ZNF148: variants seen among roughly 807,000 people sequenced by gnomAD.
ZNF148 encodes the protein zinc finger protein 148.
Under a neutral mutation model 67.7 loss-of-function variants are expected in ZNF148, and 7 were observed. That is an observed-to-expected ratio of 0.10 (90% CI 0.06 to 0.19). The LOEUF is 0.19. Among genes scored for constraint, ZNF148 ranks in the 10% least tolerant of loss-of-function variants. ZNF148 has a pLI of 1.00. For synonymous variants in ZNF148, 333 were observed against 330.7 expected (o/e 1.01, Z -0.08); for missense variants, 583 against 947.1 (o/e 0.62, Z 5.05).
intron 3 of ZNF148, among the ~76,000 whole-genome samples, chr3:125,322,260 T>G (rs1940814739): frequency 1.3e-5 from 2 of 151,922 alleles, no homozygotes; most frequent in South Asian, 4.2e-4. Flanking sequence ...TGTCCTGACT[T>G]CGTGATCCAC....
chr3:125,269,775 C>T (rs1937635680), intron 7 of ZNF148, among the ~76,000 whole-genome samples: 1 of 152,134 alleles, frequency 6.6e-6, no homozygotes, highest in Non-Finnish European at 1.5e-5. Context: ...TACACAGCCA[C>T]AAAAAGAGCA....
chr3:125,250,126 A>G (rs1040198255), intron 7 of ZNF148, among the ~76,000 whole-genome samples: 2 of 152,192 alleles, frequency 1.3e-5, no homozygotes, highest in Non-Finnish European at 2.9e-5. Context: ...ATTTGTAAAC[A>G]TGGAATTGTT....
At position 125,303,956 on chromosome 3, in the gene ZNF148, T is replaced by C. The variant is rs1939735969; in HGVS notation, c.333+9352A>G. On this transcript the variant is annotated intron_variant, in intron 4 of 8. Transcript: ENST00000360647. Reference sequence around the variant, plus strand: ...TATAAAATGTAACAACTGGGAGAAATTGGATGAGGGATGGAGGGGGTCTTC... The same window carrying C: ...TATAAAATGTAACAACTGGGAGAAACTGGATGAGGGATGGAGGGGGTCTTC... 2.6e-5 allele frequency among the ~76,000 whole-genome samples: 4 copies of C among 152,108 alleles called. No homozygotes were observed. In the South Asian group the frequency reaches 6.2e-4, roughly 24 times the overall value.
At chr3:125,285,610 T>A (rs1353937362) in intron 5 of ZNF148, among the ~76,000 whole-genome samples, 4 of 151,806 alleles carry the variant, frequency 2.6e-5, no homozygotes, top group African/African-American at 9.7e-5. Context: ...CCCAGGATGG[T>A]CTTGAACTCC....
At chr3:125,284,559 C>T (rs1165151586) in intron 5 of ZNF148, among the ~76,000 whole-genome samples, 5 of 151,952 alleles carry the variant, frequency 3.3e-5, no homozygotes. Context: ...TAGAGGGCTT[C>T]AACTGCAATA....
chr3:125,258,104 TG>T (rs1004678618), intron 7 of ZNF148, among the ~76,000 whole-genome samples: 2 of 117,534 alleles, frequency 1.7e-5, no homozygotes, highest in African/African-American at 5.6e-5. Flanking sequence ...ATATATACTG[TG>T]GTAACTGCAT....
At chr3:125,280,775 AG>A (rs34093385) in intron 5 of ZNF148, among the ~76,000 whole-genome samples, 2 of 149,154 alleles carry the variant, frequency 1.3e-5, no homozygotes, top group Non-Finnish European at 3.0e-5. Context: ...AAAAAAAAAA[AG>A]GCACAACATT....
chr3:125,232,695 T>C lies in ZNF148; in HGVS notation c.2031A>G (p.Gly677=). 1 of 1,613,796 alleles carries C rather than the reference T, an allele frequency of 6.2e-7. No individual in the cohort carries two copies. Reference sequence around the variant, plus strand: ...AGTGCTGTGAATCACCAACTATTAGTCCAAAGTGGGACTTATCTGGAGTTG... The same window carrying C: ...AGTGCTGTGAATCACCAACTATTAGCCCAAAGTGGGACTTATCTGGAGTTG... ...LRTTPDKSHF[G]LIVGDSQHSF... Residue 677 remains glycine (G), a synonymous_variant, in exon 9 of 9, where the codon GGA becomes GGG. Transcript: ENST00000360647. The surrounding 1 kb of genome is among the most constrained non-coding windows in gnomAD (Gnocchi z 4.2).
chr3:125,285,290 T>C (rs749165921), intron 5 of ZNF148, among the ~76,000 whole-genome samples: 6 of 152,186 alleles, frequency 3.9e-5, no homozygotes, highest in Non-Finnish European at 8.8e-5. Flanking sequence ...TTTACAAACA[T>C]GGGTAAGTTT....
chr3:125,315,699 C>T, intron 3 of ZNF148, among the ~76,000 whole-genome samples: 1 of 121,404 alleles, frequency 8.2e-6, no homozygotes, highest in South Asian at 2.8e-4. Context: ...CAGAGCAGGA[C>T]TCCATCTCAA....
At chr3:125,281,877 T>C (rs1481692669) in intron 5 of ZNF148, among the ~76,000 whole-genome samples, 2 of 152,202 alleles carry the variant, frequency 1.3e-5, no homozygotes, top group African/African-American at 4.8e-5. Flanking sequence ...TAAACTCATC[T>C]TGACTCAGAT....
At chr3:125,262,155 G>A (rs1366194253) in intron 7 of ZNF148, among the ~76,000 whole-genome samples, 1 of 152,118 alleles carries the variant, frequency 6.6e-6, no homozygotes, top group Non-Finnish European at 1.5e-5. Context: ...TTGTCACAAA[G>A]ACAGATACTG....
At chr3:125,268,432 A>G (rs929707525) in intron 7 of ZNF148, among the ~76,000 whole-genome samples, 2 of 152,164 alleles carry the variant, frequency 1.3e-5, no homozygotes, top group African/African-American at 2.4e-5. Flanking sequence ...TTGATATTCA[A>G]GAAAGTTGGC....
chr3:125,321,501 CAAAT>C (rs1462845378), intron 3 of ZNF148, among the ~76,000 whole-genome samples: 1 of 152,070 alleles, frequency 6.6e-6, no homozygotes, highest in Non-Finnish European at 1.5e-5. Context: ...AAGCCCCTCT[CAAAT>C]AAAACAGAAT....
intron 7 of ZNF148, among the ~76,000 whole-genome samples, chr3:125,258,007 C>T (rs1201456284): frequency 1.3e-5 from 2 of 152,162 alleles, no homozygotes; most frequent in African/African-American, 4.8e-5. Context: ...TCTCTAATAG[C>T]ATCAGGTCCC....
intron 4 of ZNF148, among the ~76,000 whole-genome samples, chr3:125,294,637 A>G (rs765394448): frequency 5.3e-5 from 8 of 152,190 alleles, no homozygotes; most frequent in Admixed American, 3.3e-4. Context: ...CACTGTCCTA[A>G]GTGCTGAAGA....
chr3:125,227,186 T>C lies in ZNF148; in HGVS notation c.*5155A>G, dbSNP rs961437129. ...TACCCACTCAAGCATAGCAACCCAA[T>C]TCATTTAGTTCTATACAACAGTGTC... is the stretch of plus-strand genomic sequence containing the variant. On this transcript the variant is annotated 3_prime_UTR_variant, in exon 9 of 9. Transcript: ENST00000360647. 6 of 152,580 alleles carry C rather than the reference T, an allele frequency of 3.9e-5. No individual in the cohort carries two copies. Among genetic ancestry groups the C allele is most frequent in the African/African-American group, 1.4e-4 (6 of 41,560 alleles). 9.5% of individuals were successfully genotyped at this position (152,580 alleles called of 1,614,324 possible).
chr3:125,272,316 C>T (rs1319477405), intron 7 of ZNF148, among the ~76,000 whole-genome samples: 1 of 152,172 alleles, frequency 6.6e-6, no homozygotes, highest in East Asian at 1.9e-4. Context: ...AAGAATGAGA[C>T]CACTTCAACC....
chr3:125,317,662 T>TATATAG lies in ZNF148; in HGVS notation c.-16-4007_-16-4006insCTATAT, dbSNP rs752542874. The stretch of plus-strand genomic sequence containing the variant: ...GATCTTTTATATATATATATATATA[T>TATATAG]AGAGAGAGAGAGAGAGAAATACATA... On this transcript the variant is annotated intron_variant, in intron 3 of 8. Transcript: ENST00000360647. 5.7e-3 allele frequency among the ~76,000 whole-genome samples: 516 copies of TATATAG among 90,048 alleles called. 3 individuals carry two copies. The highest frequency in any genetic ancestry group is 0.02 in the African/African-American group (447 of 22,176). The allele number at this position is 90,048 out of a possible 152,430, so 59.1% of individuals were successfully genotyped here. A position where few individuals can be genotyped will look rare whatever the true frequency, so the allele number is the denominator to read the frequency against.
Sources: allele counts gnomAD v4.1 joint callset (sites outside exome capture counted in the v4.1 genomes callset), GRCh38; gene constraint gnomAD v4.1.1; non-coding constraint Gnocchi (gnomAD v3.1); transcripts MANE v1.5; gene names NCBI Gene and HGNC (gene_info 2026-07-23, HGNC 2026-07-21).